The following F8 variants were observed in gnomAD, a reference collection of about 807,000 sequenced individuals.
F8 encodes antihemophilic factor.
F8 carries 12 observed loss-of-function variants against 140.6 expected under a neutral mutation model. The ratio of observed to expected loss-of-function variants is 0.09; its 90% CI spans 0.05 to 0.14. F8 has a LOEUF of 0.14. Ranked by LOEUF, F8 falls within the 10% of genes least tolerant of loss-of-function variation. The pLI, the probability that F8 is intolerant of heterozygous loss-of-function variation, is 1.00. For missense variants in F8, 1,354 were observed against 1,720.7 expected (o/e 0.79, Z 3.77); for synonymous variants, 585 against 614.6 (o/e 0.95, Z 0.71).
At chrX:154,850,787 T>G (rs2148562221) in intron 25 of F8, among the ~76,000 whole-genome samples, 1 of 112,269 alleles carries the variant, frequency 8.9e-6, no homozygotes, top group African/African-American at 3.2e-5. Flanking sequence ...TATTTTAGCA[T>G]TGTGAAGACA....
rs782030198 is a variant in F8, at chrX:154,845,329, A to T, written c.6901-7577T>A. Among the ~76,000 whole-genome samples, 6 of 111,631 alleles carry T rather than the reference A, an allele frequency of 5.4e-5. No individual in the cohort carries two copies. In the East Asian group the frequency reaches 1.4e-3, roughly 26 times the overall value. Reference sequence around the variant, plus strand: ...CATAAAATGAGTTAGGGAGGATTCCATCTTTTTCTATTGATTGGAATAGTT... The same window carrying T: ...CATAAAATGAGTTAGGGAGGATTCCTTCTTTTTCTATTGATTGGAATAGTT... On this transcript the variant is annotated intron_variant, in intron 25 of 25. Transcript: ENST00000360256.
intron 23 of F8, 130 bp downstream of exon 23, chrX:154,862,953 G>A: frequency 1.4e-6 from 1 of 693,755 alleles, no homozygotes; most frequent in African/African-American, 2.1e-5. Context: ...CCAGGACTAT[G>A]CTGGTTTTAG....
At chrX:155,016,064 C>T (rs1557286984) in intron 1 of F8, among the ~76,000 whole-genome samples, 1 of 111,297 alleles carries the variant, frequency 9.0e-6, no homozygotes, top group African/African-American at 3.3e-5. Flanking sequence ...TGGCAAAACC[C>T]CGTCTCTACC....
At chrX:154,959,897 T>C (rs1188698701) in intron 10 of F8, among the ~76,000 whole-genome samples, 1 of 112,522 alleles carries the variant, frequency 8.9e-6, no homozygotes, top group East Asian at 2.7e-4. Flanking sequence ...TTTTTAATTT[T>C]TTAAGCTTTA....
chrX:154,931,748 T>C (rs2073200146), intron 13 of F8, 72 bp from the exon 14 acceptor site: 1 of 912,104 alleles, frequency 1.1e-6, no homozygotes, highest in Admixed American at 2.3e-5. Context: ...AGAGGTTCTC[T>C]CCCATTCCCA....
Position 154,902,100 on chromosome X carries a change from G to C in F8, c.6066C>G (p.Gly2022=), listed in dbSNP as rs1381488985. The change falls in exon 19 of 26, where the codon GGC becomes GGG. Residue 2022 remains glycine (G), a synonymous_variant. Transcript: ENST00000360256. ...TGCTCATCCCAGCATGTAGATGCTC[G>C]CCAATAAGGCATTCCACCCGCCAAA... is the stretch of plus-strand genomic sequence containing the variant. ...AGIWRVECLI[G]EHLHAGMSTL... is the part of the protein sequence containing the mutation. 2 of 1,208,661 alleles carry C rather than the reference G, an allele frequency of 1.7e-6. No homozygotes were observed. The highest frequency in any genetic ancestry group is 4.4e-5 in the Admixed American group (2 of 45,736).
chrX:154,975,738 T>C (rs1174912455), intron 6 of F8, among the ~76,000 whole-genome samples: 2 of 112,386 alleles, frequency 1.8e-5, no homozygotes, highest in Non-Finnish European at 3.8e-5. Flanking sequence ...ATTAGGTTGG[T>C]GCAAAAGTAA....
chrX:155,002,490 G>A (rs1298703588), intron 1 of F8, among the ~76,000 whole-genome samples: 1 of 111,003 alleles, frequency 9.0e-6, no homozygotes, highest in Admixed American at 9.5e-5. Context: ...AAAAGACAGA[G>A]GAAGGGCAAA....
chrX:155,004,045 T>A, intron 1 of F8, among the ~76,000 whole-genome samples: 1 of 101,513 alleles, frequency 9.9e-6, no homozygotes, highest in Non-Finnish European at 2.0e-5. Flanking sequence ...ATATTCAAAC[T>A]CCAGAAAATC....
Position 154,931,101 on chromosome X carries a change from C to T in F8, c.2689G>A (p.Val897Ile). The change falls in exon 14 of 26, where the codon GTT (valine) becomes ATT (isoleucine). Residue 897 changes from valine to isoleucine, a missense_variant. Coordinates refer to ENST00000360256, the MANE Select transcript of F8 (RefSeq NM_000132.4). The part of the protein sequence containing the change: ...ATELKKLDFK[V>I]SSTSNNLIST... Reference sequence around the variant, plus strand: ...ATCAGATTATTTGATGTACTAGAAACTTTGAAATCAAGTTTCTTCAACTCT... The same window carrying T: ...ATCAGATTATTTGATGTACTAGAAATTTTGAAATCAAGTTTCTTCAACTCT... The T allele has an allele frequency of 8.3e-7, 1 of 1,207,543 alleles. No individual in the cohort carries two copies. Among genetic ancestry groups the T allele is most frequent in the Non-Finnish European group, 1.1e-6 (1 of 894,052 alleles).
Position 154,984,888 on chromosome X carries a change from G to A in F8, c.671-85C>T, listed in dbSNP as rs782351543. ...TCCCCTTTCTCCTTCCCTGCTCCCA[G>A]TGTGCTCACACCTTAAGCATTTTTG... On this transcript the variant is annotated intron_variant, in intron 5 of 25. Transcript: ENST00000360256. The A allele has an allele frequency of 6.4e-4, 463 of 725,822 alleles. 1 individual carries two copies. The highest frequency in any genetic ancestry group is 8.9e-4 in the Non-Finnish European group (408 of 460,038). The allele number at this position is 725,822 out of a possible 1,213,427, so 59.8% of individuals were successfully genotyped here. A position where few individuals can be genotyped will look rare whatever the true frequency, so the allele number is the denominator to read the frequency against.
In F8 at chrX:154,923,617, A is replaced by G. The variant is rs782461571; in HGVS notation, c.5219+4954T>C. On this transcript the variant is annotated intron_variant, in intron 14 of 25. Coordinates refer to ENST00000360256, the MANE Select transcript of F8 (RefSeq NM_000132.4). ...TTTGGGAGGCCAAGGCGGGCGGATC[A>G]TAAGGTCAGGAGTTAGAGACCAGTC... Among the ~76,000 whole-genome samples the G allele has an allele frequency of 5.3e-5, 6 of 112,461 alleles. No homozygotes were observed. In the East Asian group the frequency reaches 1.7e-3, roughly 31 times the overall value.
intron 14 of F8, among the ~76,000 whole-genome samples, chrX:154,911,146 C>G (rs1326930440): frequency 1.8e-5 from 2 of 108,827 alleles, no homozygotes; most frequent in African/African-American, 6.7e-5. Flanking sequence ...ACTGAGAGAC[C>G]AGTGCCGGCG....
intron 11 of F8, 21 bp downstream of exon 11, chrX:154,956,936 C>G (rs1369571162): frequency 1.7e-6 from 2 of 1,182,159 alleles, no homozygotes; most frequent in Non-Finnish European, 2.3e-6. Context: ...AAACCCAGCA[C>G]TTGGAAAGGC....
rs201105445 is a variant in F8, at chrX:154,885,331, C to T, written c.6429+10746G>A. On this transcript the variant is annotated intron_variant, in intron 22 of 25. Transcript: ENST00000360256. ...TGCTGCTGGACATGGTGGTTCACAA[C>T]GACAGGCTACTGAGCACCCTTTTCA... is the stretch of plus-strand genomic sequence containing the variant. 22 of 921,864 alleles carry T rather than the reference C, an allele frequency of 2.4e-5. 1 individual carries two copies. Among genetic ancestry groups the T allele is most frequent in the Non-Finnish European group, 3.0e-5 (21 of 704,073 alleles). 76.0% of individuals were successfully genotyped at this position (921,864 alleles called of 1,213,427 possible).
At chrX:154,870,410 A>C (rs1470085325) in intron 22 of F8, among the ~76,000 whole-genome samples, 1 of 112,008 alleles carries the variant, frequency 8.9e-6, no homozygotes, top group Non-Finnish European at 1.9e-5. Context: ...ATCAATAAAC[A>C]TAATCCATCA....
intron 25 of F8, among the ~76,000 whole-genome samples, chrX:154,847,489 A>G (rs1281160258): frequency 2.7e-5 from 3 of 111,517 alleles, no homozygotes; most frequent in Non-Finnish European, 1.9e-5. Context: ...ATTTCTTTTT[A>G]TTCTTTTTTC....
intron 14 of F8, among the ~76,000 whole-genome samples, chrX:154,922,801 T>C (rs1374391637): frequency 9.0e-6 from 1 of 111,686 alleles, no homozygotes; most frequent in African/African-American, 3.3e-5. Flanking sequence ...TGGTAACAGA[T>C]GAAGGCAGAG....
chrX:154,836,424 T>TCAGCAA lies in F8; in HGVS notation c.*1172_*1173insTTGCTG, dbSNP rs1557270908. On this transcript the variant is annotated 3_prime_UTR_variant, in exon 26 of 26. Coordinates refer to ENST00000360256, the MANE Select transcript of F8 (RefSeq NM_000132.4). ...GGGTGGAGGGCAAGAAGGGGGATCC[T>TCAGCAA]ATTGTGTGGTGATATGGCAGACTGG... The TCAGCAA allele has an allele frequency of 9.0e-6, 1 of 111,447 alleles. No homozygotes were observed. The highest frequency in any genetic ancestry group is 1.9e-5 in the Non-Finnish European group (1 of 53,101). The allele number at this position is 111,447 out of a possible 1,213,427, so 9.2% of individuals were successfully genotyped here. A position where few individuals can be genotyped will look rare whatever the true frequency, so the allele number is the denominator to read the frequency against.
Sources: allele counts gnomAD v4.1 joint callset (sites outside exome capture counted in the v4.1 genomes callset), GRCh38; gene constraint gnomAD v4.1.1; transcripts MANE v1.5; gene names NCBI Gene and HGNC (gene_info 2026-07-23, HGNC 2026-07-21).